The following CTNND2 variants were observed in gnomAD, a reference collection of about 807,000 sequenced individuals.
The protein encoded by CTNND2 is catenin delta 2, also known as catenin delta-2.
Under a neutral mutation model 144.4 loss-of-function variants are expected in CTNND2, and 22 were observed. The ratio of observed to expected loss-of-function variants is 0.15; its 90% CI spans 0.11 to 0.22. CTNND2 has a LOEUF of 0.22. CTNND2 is among the 10% of genes least tolerant of loss of function. The pLI is 1.00. For synonymous variants in CTNND2, 751 were observed against 695.6 expected (o/e 1.08, Z -1.25); for missense variants, 1,353 against 1,618.8 (o/e 0.84, Z 2.82).
At chr5:11,590,727 G>A (rs183218342) in intron 2 of CTNND2, among the ~76,000 whole-genome samples, 35 of 151,622 alleles carry the variant, frequency 2.3e-4, no homozygotes, top group African/African-American at 6.8e-4. Flanking sequence ...CATCCTCCCC[G>A]CTCTTGAGAA....
chr5:11,051,074 T>C (rs1745780659), intron 16 of CTNND2, among the ~76,000 whole-genome samples: 1 of 152,256 alleles, frequency 6.6e-6, no homozygotes, highest in Non-Finnish European at 1.5e-5. Flanking sequence ...TGGTTGTTTA[T>C]TTCCACAAAG....
intron 7 of CTNND2, among the ~76,000 whole-genome samples, chr5:11,368,645 T>C (rs1030363920): frequency 1.3e-5 from 2 of 152,218 alleles, no homozygotes; most frequent in Non-Finnish European, 2.9e-5. Context: ...CCTCAGGGTG[T>C]TGATGTTCAA....
At chr5:11,364,063 G>T (rs1756725099) in intron 8 of CTNND2, among the ~76,000 whole-genome samples, 1 of 152,142 alleles carries the variant, frequency 6.6e-6, no homozygotes, top group Non-Finnish European at 1.5e-5. Flanking sequence ...GTTGCAAATG[G>T]CTCCAGATAC....
chr5:11,030,455 G>T (rs186259180), intron 16 of CTNND2, among the ~76,000 whole-genome samples: 419 of 117,912 alleles, frequency 3.6e-3, no homozygotes, highest in African/African-American at 0.014. Context: ...GTTCTCCAAA[G>T]TCAGTAATTT....
At chr5:11,578,324 C>T (rs771956548) in intron 2 of CTNND2, among the ~76,000 whole-genome samples, 3 of 152,008 alleles carry the variant, frequency 2.0e-5, no homozygotes, top group Non-Finnish European at 2.9e-5. Context: ...TCACAATGAC[C>T]CAATGATTGA....
At chr5:11,341,533 T>C (rs1754274937) in intron 9 of CTNND2, among the ~76,000 whole-genome samples, 1 of 152,174 alleles carries the variant, frequency 6.6e-6, no homozygotes, top group African/African-American at 2.4e-5. Flanking sequence ...TAGTGAGCAT[T>C]TGAAGTTAAA....
intron 9 of CTNND2, among the ~76,000 whole-genome samples, chr5:11,345,781 AG>A (rs1269471329): frequency 3.3e-5 from 5 of 151,974 alleles, no homozygotes; most frequent in African/African-American, 9.7e-5. Flanking sequence ...AAAGAAAGAA[AG>A]AAAGAAAAAA....
rs368536360 is a variant in CTNND2, at chr5:11,199,594, C to T, written c.1829G>A (p.Arg610His). ...GTTTCTCAGAGCTCCACAGGCACTA[C>T]GGTGGACTTCGGTCATCCGATGATC... Reference protein sequence around the residue: ...LLDHRMTEVHRSACGALRNLV... With the variant: ...LLDHRMTEVHHSACGALRNLV... The change falls in exon 11 of 22, where the codon CGT becomes CAT. Residue 610 changes from arginine (R) to histidine (H), a missense_variant. Arg to His is a conservative substitution (Grantham distance 29). Coordinates refer to ENST00000304623, the MANE Select transcript of CTNND2 (RefSeq NM_001332.4). The T allele has an allele frequency of 2.3e-5, 37 of 1,614,082 alleles. No homozygotes were observed. Among genetic ancestry groups the T allele is most frequent in the Non-Finnish European group, 2.7e-5 (32 of 1,180,038 alleles).
At chr5:11,021,365 G>T (rs1742234207) in intron 17 of CTNND2, among the ~76,000 whole-genome samples, 2 of 152,172 alleles carry the variant, frequency 1.3e-5, no homozygotes, top group African/African-American at 2.4e-5. Context: ...GTGTGTGTGG[G>T]TGTGTATGCT....
At chr5:11,222,898 G>A (rs1385416676) in intron 10 of CTNND2, among the ~76,000 whole-genome samples, 1 of 152,104 alleles carries the variant, frequency 6.6e-6, no homozygotes, top group Non-Finnish European at 1.5e-5. Flanking sequence ...CAGGCTGGAC[G>A]TGAGCTCCAG....
chr5:11,590,204 C>G (rs1244943779), intron 2 of CTNND2, among the ~76,000 whole-genome samples: 1 of 151,972 alleles, frequency 6.6e-6, no homozygotes, highest in Non-Finnish European at 1.5e-5. Context: ...CGTCACCAGG[C>G]CCGGGTAATT....
chr5:11,490,483 A>G (rs529268925), intron 3 of CTNND2, among the ~76,000 whole-genome samples: 1 of 152,342 alleles, frequency 6.6e-6, no homozygotes, highest in African/African-American at 2.4e-5. Context: ...AAGATCTAAA[A>G]GATCCACAAA....
chr5:11,771,542 G>C (rs1320163734), intron 1 of CTNND2, among the ~76,000 whole-genome samples: 1 of 152,052 alleles, frequency 6.6e-6, no homozygotes, highest in African/African-American at 2.4e-5. Flanking sequence ...TTAAATGAGA[G>C]ATATATTTTT....
chr5:11,609,590 A>T (rs1047895925), intron 2 of CTNND2, among the ~76,000 whole-genome samples: 3 of 151,856 alleles, frequency 2.0e-5, no homozygotes, highest in Admixed American at 6.6e-5. Context: ...TATTATATTA[A>T]ATAATAGTAT....
At chr5:11,441,211 T>A (rs1321423465) in intron 3 of CTNND2, among the ~76,000 whole-genome samples, 1 of 152,158 alleles carries the variant, frequency 6.6e-6, no homozygotes, top group Non-Finnish European at 1.5e-5. Context: ...CTCATGATAT[T>A]TTAGAATTTT....
chr5:11,824,479 A>G (rs1382483218), intron 1 of CTNND2, among the ~76,000 whole-genome samples: 1 of 152,138 alleles, frequency 6.6e-6, no homozygotes, highest in South Asian at 2.1e-4. Flanking sequence ...CACCATGAGG[A>G]AGCAGGAAAC....
chr5:11,491,417 G>A (rs1318060925), intron 3 of CTNND2, among the ~76,000 whole-genome samples: 1 of 152,132 alleles, frequency 6.6e-6, no homozygotes, highest in African/African-American at 2.4e-5. Flanking sequence ...CACACCAACA[G>A]GTAGGTACAA....
intron 11 of CTNND2, among the ~76,000 whole-genome samples, chr5:11,178,215 A>G (rs936378172): frequency 2.0e-5 from 3 of 152,200 alleles, no homozygotes; most frequent in African/African-American, 7.2e-5. Context: ...CTTACTATGA[A>G]ATCAAAGATG....
intron 2 of CTNND2, among the ~76,000 whole-genome samples, chr5:11,673,593 T>C (rs1784019018): frequency 6.6e-6 from 1 of 152,176 alleles, no homozygotes; most frequent in Non-Finnish European, 1.5e-5. Flanking sequence ...TACTTTAAAA[T>C]CTTATTCTGA....
Sources: allele counts gnomAD v4.1 joint callset (sites outside exome capture counted in the v4.1 genomes callset), GRCh38; gene constraint gnomAD v4.1.1; transcripts MANE v1.5; gene names NCBI Gene and HGNC (gene_info 2026-07-23, HGNC 2026-07-21).